ATP13A5: variants seen among roughly 807,000 people sequenced by gnomAD.
ATP13A5 encodes ATPase 13A5.
ATP13A5 carries 149 observed loss-of-function variants against 150.2 expected under a neutral mutation model. That is an observed-to-expected ratio of 0.99 (90% CI 0.87 to 1.14). The LOEUF (loss-of-function observed/expected upper bound fraction) is 1.14. Among genes scored for constraint, ATP13A5 ranks in the 50% most tolerant of loss-of-function variants. The pLI is 0.00. For synonymous variants in ATP13A5, 497 were observed against 522.2 expected, an observed-to-expected ratio of 0.95 and a Z score of 0.66; for missense variants, 1,383 against 1,449.3, an observed-to-expected ratio of 0.95 and a Z score of 0.74.
chr3:193,356,442 A>G lies in ATP13A5; in HGVS notation c.537-2246T>C, dbSNP rs534255027. On this transcript the variant is annotated intron_variant, in intron 5 of 29. Transcript: ENST00000342358. ...ATCTGTAAAAGGGGTTTTATAAAAC[A>G]TACCTAATAAAATTGCTATCAAGCT... Among the ~76,000 whole-genome samples, 49 of 152,296 alleles carry G rather than the reference A, an allele frequency of 3.2e-4. No individual in the cohort carries two copies. In the East Asian group the frequency reaches 6.0e-3, roughly 19 times the overall value.
At chr3:193,345,633 G>C (rs1307122645) in intron 7 of ATP13A5, among the ~76,000 whole-genome samples, 2 of 152,298 alleles carry the variant, frequency 1.3e-5, no homozygotes, top group South Asian at 4.1e-4. Context: ...GCTGCTGTAT[G>C]AGTCGCTGAA....
chr3:193,336,408 C>T (rs1026560295), intron 9 of ATP13A5, among the ~76,000 whole-genome samples: 2 of 152,122 alleles, frequency 1.3e-5, no homozygotes, highest in African/African-American at 4.8e-5. Context: ...TCACGACAGG[C>T]CCCGGTGTGT....
At chr3:193,314,924 T>C (rs999166001) in intron 18 of ATP13A5, 48 bp downstream of exon 18, 6 of 1,598,684 alleles carry the variant, frequency 3.8e-6, no homozygotes, top group Non-Finnish European at 5.1e-6. Flanking sequence ...CTTGTTCTTA[T>C]GCCTAGGATA....
chr3:193,298,747 C>T (rs1371518853), intron 25 of ATP13A5, among the ~76,000 whole-genome samples: 1 of 152,122 alleles, frequency 6.6e-6, no homozygotes, highest in African/African-American at 2.4e-5. Flanking sequence ...CATTTGTTCT[C>T]ACACATCAAA....
At chr3:193,275,576 C>T (rs894223668) in intron 29 of ATP13A5, among the ~76,000 whole-genome samples, 3 of 151,716 alleles carry the variant, frequency 2.0e-5, no homozygotes, top group Non-Finnish European at 4.4e-5. Flanking sequence ...AATGATTTTC[C>T]CCTCAGACTG....
chr3:193,298,606 T>C (rs1192128705), intron 25 of ATP13A5, among the ~76,000 whole-genome samples: 2 of 152,100 alleles, frequency 1.3e-5, no homozygotes, highest in African/African-American at 4.8e-5. Flanking sequence ...TTATTAAGAG[T>C]CAGCATCAAG....
At chr3:193,307,444 T>G in intron 21 of ATP13A5, 75 bp from the exon 22 acceptor site, 1 of 1,547,790 alleles carries the variant, frequency 6.5e-7, no homozygotes, top group Non-Finnish European at 8.9e-7. Flanking sequence ...CCATCATAAC[T>G]AAGTCACATG....
intron 17 of ATP13A5, among the ~76,000 whole-genome samples, chr3:193,317,285 C>T (rs1428202136): frequency 2.6e-5 from 4 of 152,152 alleles, no homozygotes; most frequent in Non-Finnish European, 5.9e-5. Flanking sequence ...TTTAAAAAGT[C>T]CTCTTAACTT....
chr3:193,347,538 T>TTTTTTTTTTTTTTA (rs1712394346), intron 7 of ATP13A5, among the ~76,000 whole-genome samples: 1 of 151,970 alleles, frequency 6.6e-6, no homozygotes, highest in African/African-American at 2.4e-5. Context: ...TTTTTTTGCT[T>TTTTTTTTTTTTTTA]AGAAACTCGT....
chr3:193,284,035 T>TTA (rs1560112773), intron 27 of ATP13A5, among the ~76,000 whole-genome samples: 27 of 91,464 alleles, frequency 3.0e-4, no homozygotes, highest in Admixed American at 6.5e-4. Context: ...TATTATTATT[T>TTA]TTTGAGACAG....
intron 1 of ATP13A5, among the ~76,000 whole-genome samples, chr3:193,371,327 G>A (rs1261232880): frequency 1.3e-5 from 2 of 152,178 alleles, no homozygotes; most frequent in Non-Finnish European, 2.9e-5. Flanking sequence ...GCTTAAGAGG[G>A]GCTTTTCGTT....
intron 23 of ATP13A5, among the ~76,000 whole-genome samples, chr3:193,302,052 C>T (rs902984807): frequency 2.6e-5 from 4 of 152,084 alleles, no homozygotes; most frequent in South Asian, 2.1e-4. Context: ...GCATGTGATG[C>T]GAGAGTGGGA....
chr3:193,307,435 C>T, intron 21 of ATP13A5, 66 bp from the exon 22 acceptor site: 1 of 1,573,134 alleles, frequency 6.4e-7, no homozygotes, highest in Non-Finnish European at 8.7e-7. Context: ...GAATATTTTC[C>T]ATCATAACTA....
chr3:193,327,076 C>A lies in ATP13A5; in HGVS notation c.1462-19G>T. On this transcript the variant is annotated intron_variant, in intron 12 of 29. Coordinates refer to ENST00000342358, the MANE Select transcript of ATP13A5 (RefSeq NM_198505.4). ...TGCCAGTCTGAGTAAAAATTAAAAG[C>A]AATATTAGCATAAGATTTAAAGCTT... The A allele has an allele frequency of 6.3e-7, 1 of 1,594,920 alleles. No individual in the cohort carries two copies. Among genetic ancestry groups the A allele is most frequent in the East Asian group, 2.2e-5 (1 of 44,516 alleles).
chr3:193,345,522 C>G (rs1426218188), intron 7 of ATP13A5, among the ~76,000 whole-genome samples: 1 of 152,070 alleles, frequency 6.6e-6, no homozygotes, highest in Non-Finnish European at 1.5e-5. Context: ...GACTACAGAA[C>G]TCGGAAGTGA....
intron 7 of ATP13A5, among the ~76,000 whole-genome samples, chr3:193,349,630 A>G (rs1294794615): frequency 6.6e-6 from 1 of 152,182 alleles, no homozygotes; most frequent in East Asian, 1.9e-4. Context: ...GCAAAACACT[A>G]TTAGACAACA....
intron 1 of ATP13A5, among the ~76,000 whole-genome samples, chr3:193,374,677 A>G (rs941086727): frequency 6.6e-6 from 1 of 151,998 alleles, no homozygotes. Flanking sequence ...ACACACACGC[A>G]TACATAGTGC....
At chr3:193,330,954 A>C (rs920756825) in intron 12 of ATP13A5, among the ~76,000 whole-genome samples, 169 bp downstream of exon 12, 2 of 152,228 alleles carry the variant, frequency 1.3e-5, no homozygotes, top group Non-Finnish European at 2.9e-5. Context: ...GAGTCAGCAG[A>C]GCAGGCTCCT....
chr3:193,331,379 A>G, intron 11 of ATP13A5, 68 bp from the exon 12 acceptor site: 1 of 1,441,594 alleles, frequency 6.9e-7, no homozygotes. Context: ...TCCTAGTGCC[A>G]AAGGAATGAG....
Sources: allele counts gnomAD v4.1 joint callset (sites outside exome capture counted in the v4.1 genomes callset), GRCh38; gene constraint gnomAD v4.1.1; transcripts MANE v1.5; gene names NCBI Gene and HGNC (gene_info 2026-07-23, HGNC 2026-07-21).